The following TMEM120B variants were observed in gnomAD, a reference collection of about 807,000 sequenced individuals.
TMEM120B encodes the protein transmembrane protein 120B.
In TMEM120B, 31 loss-of-function variants were observed where a neutral mutation model predicts 55.5. The ratio of observed to expected loss-of-function variants is 0.56; its 90% CI spans 0.42 to 0.75. The LOEUF (loss-of-function observed/expected upper bound fraction) is 0.75, where lower values mean the gene tolerates loss of function less well. Ranked by LOEUF, TMEM120B falls within the 30% of genes least tolerant of loss-of-function variation. The pLI is 0.00. For missense variants in TMEM120B, 399 were observed against 425.5 expected (o/e 0.94, Z 0.55); for synonymous variants, 203 against 176.3 (o/e 1.15, Z -1.20).
intron 5 of TMEM120B, among the ~76,000 whole-genome samples, chr12:121,754,315 C>T (rs1873417886): frequency 6.6e-6 from 1 of 152,254 alleles, no homozygotes; most frequent in African/African-American, 2.4e-5. Flanking sequence ...CTCCAGGGCC[C>T]TCCGAAGGCA....
chr12:121,731,255 T>A (rs1894997737), intron 1 of TMEM120B, among the ~76,000 whole-genome samples: 1 of 152,128 alleles, frequency 6.6e-6, no homozygotes, highest in Non-Finnish European at 1.5e-5. Flanking sequence ...ATTTATTTAT[T>A]TATTTTATTT....
intron 6 of TMEM120B, among the ~76,000 whole-genome samples, chr12:121,770,582 C>T (rs990249636): frequency 2.3e-4 from 34 of 150,804 alleles, no homozygotes; most frequent in Non-Finnish European, 4.1e-4. Context: ...GTGCCTGGAG[C>T]GCCCGCGTGC....
chr12:121,746,665 GAGA>G (rs938180898), intron 2 of TMEM120B, among the ~76,000 whole-genome samples: 6 of 152,098 alleles, frequency 3.9e-5, no homozygotes, highest in African/African-American at 7.2e-5. Context: ...TTAGAAAAAT[GAGA>G]AGAAGGCCGG....
Position 121,781,122 on chromosome 12 carries a change from G to A in TMEM120B, c.*5400G>A, listed in dbSNP as rs749396048. On this transcript the variant is annotated 3_prime_UTR_variant, in exon 12 of 12. Transcript: ENST00000449592. ...TGTCGTAGCTGGTGGGATTCATGACGTCATAGCAGATGAGCACGAGGTGGG... is the reference window on the plus strand; with the variant it reads ...TGTCGTAGCTGGTGGGATTCATGACATCATAGCAGATGAGCACGAGGTGGG... The A allele has an allele frequency of 1.1e-5, 18 of 1,614,098 alleles. No individual in the cohort carries two copies. The highest frequency in any genetic ancestry group is 9.3e-5 in the African/African-American group (7 of 74,938).
At chr12:121,725,795 G>A (rs1894878490) in intron 1 of TMEM120B, among the ~76,000 whole-genome samples, 1 of 152,148 alleles carries the variant, frequency 6.6e-6, no homozygotes, top group Non-Finnish European at 1.5e-5. Context: ...CCAGCACTCT[G>A]GGAGGCCAAG....
At position 121,770,794 on chromosome 12, in the gene TMEM120B, G is replaced by T. The variant is rs565342144; in HGVS notation, c.552-113G>T. 3.1e-4 allele frequency: 293 copies of T among 948,486 alleles called. No homozygotes were observed. In the African/African-American group the frequency reaches 4.3e-3, roughly 14 times the overall value. The allele number at this position is 948,486 out of a possible 1,614,324, so 58.8% of individuals were successfully genotyped here. On this transcript the variant is annotated intron_variant, in intron 6 of 11. Transcript: ENST00000449592. The stretch of plus-strand genomic sequence containing the variant: ...GGTTCCAGTCTGTTTCTTACTCCAA[G>T]AAGCCGTCTCTGAGTGCAGAGTAAC...
chr12:121,779,391 C>G lies in TMEM120B; in HGVS notation c.*3669C>G. ...TGTTCCAAGAGTCTAGCCGCAGGCC[C>G]CAGACACCATGAGCTGGAGGGTCGG... is the stretch of plus-strand genomic sequence containing the variant. On this transcript the variant is annotated 3_prime_UTR_variant, in exon 12 of 12. Transcript: ENST00000449592. 3.2e-6 allele frequency: 4 copies of G among 1,245,196 alleles called. No individual in the cohort carries two copies. Among genetic ancestry groups the G allele is most frequent in the Non-Finnish European group, 4.5e-6 (4 of 896,680 alleles). 77.1% of individuals were successfully genotyped at this position (1,245,196 alleles called of 1,614,324 possible). A position where few individuals can be genotyped will look rare whatever the true frequency, so the allele number is the denominator to read the frequency against.
chr12:121,734,320 A>G (rs2942373), intron 1 of TMEM120B, among the ~76,000 whole-genome samples: 79,874 of 147,242 alleles, frequency 0.54, 22,249 homozygotes, highest in African/African-American at 0.73. Flanking sequence ...GTGCAATGGC[A>G]TGATCTTGGC....
At chr12:121,740,025 C>T (rs1872886736) in intron 1 of TMEM120B, among the ~76,000 whole-genome samples, 1 of 151,960 alleles carries the variant, frequency 6.6e-6, no homozygotes, top group Admixed American at 6.6e-5. Flanking sequence ...GTGATCGGCC[C>T]ATCTTGGCCT....
chr12:121,725,541 G>A (rs539407196), intron 1 of TMEM120B, among the ~76,000 whole-genome samples: 54 of 152,228 alleles, frequency 3.5e-4, no homozygotes, highest in Admixed American at 6.5e-4. Context: ...GATCTTCATA[G>A]CAGCATTATT....
At chr12:121,722,664 A>G (rs1486259109) in intron 1 of TMEM120B, among the ~76,000 whole-genome samples, 1 of 152,120 alleles carries the variant, frequency 6.6e-6, no homozygotes. Context: ...AACACAGTAT[A>G]TTGCTTAATG....
rs1176924373 is a variant in TMEM120B, at chr12:121,766,886, A to G, written c.552-4021A>G. On this transcript the variant is annotated intron_variant, in intron 6 of 11. Coordinates refer to ENST00000449592, the MANE Select transcript of TMEM120B (RefSeq NM_001080825.2). ...AGCCAGCCTAGGGTGCCTGCCTCCAACTGGCTTTTCTAGGAGGGATCCTCA... is the reference window on the plus strand; with the variant it reads ...AGCCAGCCTAGGGTGCCTGCCTCCAGCTGGCTTTTCTAGGAGGGATCCTCA... 3.3e-5 allele frequency among the ~76,000 whole-genome samples: 5 copies of G among 152,128 alleles called. No individual in the cohort carries two copies. The East Asian group carries it at 5.8e-4, about 18-fold the overall frequency.
intron 1 of TMEM120B, among the ~76,000 whole-genome samples, chr12:121,718,648 C>T (rs944394848): frequency 6.6e-5 from 10 of 152,198 alleles, no homozygotes; most frequent in African/African-American, 1.7e-4. Context: ...ATACTAATAC[C>T]GTGGGCTCCA....
chr12:121,733,609 G>A (rs1328390056), intron 1 of TMEM120B, among the ~76,000 whole-genome samples: 4 of 149,566 alleles, frequency 2.7e-5, no homozygotes, highest in Non-Finnish European at 4.4e-5. Context: ...GTGTGACCTC[G>A]GCTCACTGCA....
intron 1 of TMEM120B, among the ~76,000 whole-genome samples, chr12:121,731,867 A>G (rs1037131856): frequency 6.6e-6 from 1 of 152,142 alleles, no homozygotes; most frequent in South Asian, 2.1e-4. Flanking sequence ...AATGAAAGAG[A>G]GGTTCATGCC....
intron 2 of TMEM120B, among the ~76,000 whole-genome samples, chr12:121,747,267 A>T: frequency 7.0e-6 from 1 of 142,718 alleles, no homozygotes; most frequent in Non-Finnish European, 1.5e-5. Context: ...AGAAGGTGGG[A>T]GGCTGGGGTA....
At chr12:121,769,715 C>CGTGTGTGTGT (rs63639861) in intron 6 of TMEM120B, among the ~76,000 whole-genome samples, 88,853 of 148,196 alleles carry the variant, frequency 0.6, 27,427 homozygotes, top group Middle Eastern at 0.75. Flanking sequence ...AAAGAGAAAA[C>CGTGTGTGTGT]GTGTGTGTGT....
At chr12:121,766,034 C>T (rs1281088040) in intron 6 of TMEM120B, among the ~76,000 whole-genome samples, 2 of 152,116 alleles carry the variant, frequency 1.3e-5, no homozygotes, top group African/African-American at 2.4e-5. Context: ...CCAAGTTCTG[C>T]GTGAGGAAGG....
chr12:121,728,692 A>G (rs187893949), intron 1 of TMEM120B, among the ~76,000 whole-genome samples: 3 of 152,284 alleles, frequency 2.0e-5, no homozygotes, highest in Non-Finnish European at 4.4e-5. Flanking sequence ...GAACGTGTTT[A>G]CTTATGTAAT....
Sources: allele counts gnomAD v4.1 joint callset (sites outside exome capture counted in the v4.1 genomes callset), GRCh38; gene constraint gnomAD v4.1.1; transcripts MANE v1.5; gene names NCBI Gene and HGNC (gene_info 2026-07-23, HGNC 2026-07-21).